The following VPS13B variants were observed in gnomAD, a reference collection of about 807,000 sequenced individuals.
The protein encoded by VPS13B is intermembrane lipid transfer protein VPS13B.
A neutral mutation model predicts 426.4 loss-of-function variants in VPS13B; 285 were observed. The observed-to-expected ratio is 0.67, with a 90% CI of 0.61 to 0.74. The LOEUF (loss-of-function observed/expected upper bound fraction) is 0.74, where lower values mean the gene tolerates loss of function less well. Ranked by LOEUF, VPS13B falls within the 30% of genes least tolerant of loss-of-function variation. VPS13B has a pLI of 0.00. For missense variants in VPS13B, 4,537 were observed against 4,782.6 expected, an observed-to-expected ratio of 0.95 and a Z score of 1.51; for synonymous variants, 1,676 against 1,676.4, an observed-to-expected ratio of 1.00 and a Z score of 0.01.
At chr8:99,308,018 A>G (rs1343502889) in intron 19 of VPS13B, among the ~76,000 whole-genome samples, 1 of 152,064 alleles carries the variant, frequency 6.6e-6, no homozygotes, top group Non-Finnish European at 1.5e-5. Flanking sequence ...CCCAATGGTC[A>G]TTCAGGAGCA....
intron 54 of VPS13B, among the ~76,000 whole-genome samples, chr8:99,847,282 G>A (rs971806022): frequency 2.0e-5 from 3 of 152,204 alleles, no homozygotes; most frequent in African/African-American, 7.2e-5. Context: ...CATTTCTGCT[G>A]TCAAGAGATT....
At chr8:99,311,536 A>C (rs1389360670) in intron 19 of VPS13B, among the ~76,000 whole-genome samples, 1 of 152,146 alleles carries the variant, frequency 6.6e-6, no homozygotes, top group African/African-American at 2.4e-5. Flanking sequence ...TCTGAGAGAC[A>C]GTTTGTTATA....
chr8:99,291,885 A>G (rs189945289), intron 19 of VPS13B, among the ~76,000 whole-genome samples: 267 of 152,260 alleles, frequency 1.8e-3, no homozygotes, highest in Admixed American at 3.4e-3. Flanking sequence ...TAAAAAATAT[A>G]TAATTGTTGT....
chr8:99,340,101 C>T (rs527707474), intron 19 of VPS13B, among the ~76,000 whole-genome samples: 95 of 152,246 alleles, frequency 6.2e-4, no homozygotes, highest in African/African-American at 2.3e-3. Flanking sequence ...AGAGCACTTT[C>T]GGACACCCAG....
Position 99,685,545 on chromosome 8 carries a change from C to A in VPS13B, c.6047-13980C>A, listed in dbSNP as rs557675384. Reference sequence around the variant, plus strand: ...AAGGGTTGCCTTAAGCCCTAGGGACCACCCATTCATTCTCATTGTCTCCTC... The same window carrying A: ...AAGGGTTGCCTTAAGCCCTAGGGACAACCCATTCATTCTCATTGTCTCCTC... On this transcript the variant is annotated intron_variant, in intron 35 of 61. Coordinates refer to ENST00000357162, the MANE Select transcript of VPS13B (RefSeq NM_152564.5). 5.3e-5 allele frequency among the ~76,000 whole-genome samples: 8 copies of A among 152,250 alleles called. No individual in the cohort carries two copies. In the South Asian group the frequency reaches 1.7e-3, roughly 32 times the overall value.
At chr8:99,869,926 G>C (rs115278588) in intron 59 of VPS13B, among the ~76,000 whole-genome samples, 1 of 152,252 alleles carries the variant, frequency 6.6e-6, no homozygotes, top group East Asian at 1.9e-4. Flanking sequence ...TCTATGTAAA[G>C]GCCTATGTGG....
intron 39 of VPS13B, among the ~76,000 whole-genome samples, chr8:99,724,275 G>T (rs1186013621): frequency 6.6e-6 from 1 of 152,120 alleles, no homozygotes; most frequent in Non-Finnish European, 1.5e-5. Flanking sequence ...CAATCCTTCA[G>T]TCTAGCAGGG....
intron 17 of VPS13B, among the ~76,000 whole-genome samples, chr8:99,247,263 C>A (rs534028281): frequency 6.6e-6 from 1 of 152,078 alleles, no homozygotes; most frequent in South Asian, 2.1e-4. Context: ...TATAGAAAAT[C>A]CCTTAATTTT....
intron 23 of VPS13B, among the ~76,000 whole-genome samples, chr8:99,442,953 AGATT>A (rs1207374157): frequency 4.6e-5 from 7 of 152,192 alleles, no homozygotes; most frequent in Non-Finnish European, 7.4e-5. Flanking sequence ...AATGATAAGT[AGATT>A]GATCTTAATT....
chr8:99,633,648 G>A (rs569672846), intron 33 of VPS13B, among the ~76,000 whole-genome samples: 11 of 152,050 alleles, frequency 7.2e-5, no homozygotes, highest in African/African-American at 2.4e-4. Flanking sequence ...TGACATCAGT[G>A]GAATGAACCT....
chr8:99,760,654 G>C (rs1171102838), intron 39 of VPS13B, among the ~76,000 whole-genome samples: 1 of 151,906 alleles, frequency 6.6e-6, no homozygotes, highest in Admixed American at 6.6e-5. Context: ...TTAAAATATT[G>C]TACTCAGTGT....
intron 17 of VPS13B, among the ~76,000 whole-genome samples, chr8:99,231,458 C>T (rs759051036): frequency 2.6e-5 from 4 of 152,138 alleles, no homozygotes; most frequent in African/African-American, 4.8e-5. Flanking sequence ...TTAAAATTCA[C>T]GGCATCTCCA....
intron 33 of VPS13B, among the ~76,000 whole-genome samples, chr8:99,615,727 C>T (rs1188161083): frequency 6.6e-6 from 1 of 152,064 alleles, no homozygotes; most frequent in African/African-American, 2.4e-5. Flanking sequence ...ATGGTCAAGT[C>T]ACTTTACCTC....
At chr8:99,718,669 T>G (rs1235901798) in intron 37 of VPS13B, among the ~76,000 whole-genome samples, 1 of 151,826 alleles carries the variant, frequency 6.6e-6, no homozygotes, top group African/African-American at 2.4e-5. Flanking sequence ...TTTTCTTTTT[T>G]TCTTTTTTTT....
chr8:99,302,614 A>AT (rs1295232563), intron 19 of VPS13B, among the ~76,000 whole-genome samples: 1 of 152,050 alleles, frequency 6.6e-6, no homozygotes, highest in Non-Finnish European at 1.5e-5. Context: ...GGTTCAAGCA[A>AT]TTCTCCTGCC....
intron 27 of VPS13B, among the ~76,000 whole-genome samples, chr8:99,505,210 G>A (rs1002361418): frequency 1.3e-5 from 2 of 152,170 alleles, no homozygotes; most frequent in Admixed American, 6.6e-5. Flanking sequence ...CAGCAATAAG[G>A]CTGTTTCACT....
intron 39 of VPS13B, among the ~76,000 whole-genome samples, chr8:99,757,077 A>G (rs754067168): frequency 6.6e-6 from 1 of 152,232 alleles, no homozygotes; most frequent in Non-Finnish European, 1.5e-5. Flanking sequence ...TTCTTCTACC[A>G]CAGCTGCCAT....
At chr8:99,487,216 C>T (rs1396054259) in intron 25 of VPS13B, among the ~76,000 whole-genome samples, 3 of 151,752 alleles carry the variant, frequency 2.0e-5, no homozygotes, top group Non-Finnish European at 4.4e-5. Flanking sequence ...TCTAGAGGGC[C>T]AAAGAAAAGA....
intron 13 of VPS13B, 45 bp downstream of exon 13, chr8:99,143,210 G>C (rs1810526041): frequency 1.2e-6 from 2 of 1,610,578 alleles, no homozygotes; most frequent in South Asian, 2.2e-5. Flanking sequence ...TTTGTTTTGA[G>C]AATAATTATA....
Sources: allele counts gnomAD v4.1 joint callset (sites outside exome capture counted in the v4.1 genomes callset), GRCh38; gene constraint gnomAD v4.1.1; transcripts MANE v1.5; gene names NCBI Gene and HGNC (gene_info 2026-07-23, HGNC 2026-07-21).